Variants in GRID1 observed in about 807,000 individuals in gnomAD.
GRID1 encodes the protein glutamate receptor ionotropic, delta-1.
Under a neutral mutation model 98.0 loss-of-function variants are expected in GRID1, and 28 were observed. The ratio of observed to expected loss-of-function variants is 0.29; its 90% confidence interval spans 0.21 to 0.39. GRID1 has a LOEUF of 0.39. Among genes scored for constraint, GRID1 ranks in the 10% least tolerant of loss-of-function variants. The probability of loss-of-function intolerance (pLI) is 1.00; values close to 1 mark genes in which losing one functional copy is unlikely to be tolerated. For missense variants in GRID1, 1,111 were observed against 1,340.5 expected, an observed-to-expected ratio of 0.83 and a Z score of 2.67; for synonymous variants, 553 against 538.5, an observed-to-expected ratio of 1.03 and a Z score of -0.37.
intron 4 of GRID1, among the ~76,000 whole-genome samples, chr10:85,937,844 C>T (rs945289940): frequency 6.6e-6 from 1 of 152,188 alleles, no homozygotes; most frequent in Non-Finnish European, 1.5e-5. Context: ...CAAAGAAGTG[C>T]CCAGCCCAGA....
intron 12 of GRID1, among the ~76,000 whole-genome samples, chr10:85,714,061 A>G (rs983809087): frequency 6.6e-6 from 1 of 152,102 alleles, no homozygotes; most frequent in Non-Finnish European, 1.5e-5. Flanking sequence ...ACACCACGGA[A>G]TACTATGCAG....
chr10:85,930,348 A>G (rs1207558559), intron 4 of GRID1, among the ~76,000 whole-genome samples: 2 of 150,596 alleles, frequency 1.3e-5, no homozygotes, highest in Non-Finnish European at 3.0e-5. Context: ...GTTATTTATA[A>G]CTACAAAATT....
At chr10:86,179,200 C>T (rs1034242844) in intron 3 of GRID1, among the ~76,000 whole-genome samples, 2 of 133,576 alleles carry the variant, frequency 1.5e-5, no homozygotes, top group Non-Finnish European at 3.2e-5. Flanking sequence ...AAAGCAAGCC[C>T]AGCTACCTTC....
intron 8 of GRID1, among the ~76,000 whole-genome samples, chr10:85,812,051 A>G (rs896080221): frequency 6.6e-6 from 1 of 152,246 alleles, no homozygotes; most frequent in Non-Finnish European, 1.5e-5. Flanking sequence ...AATAATTTAT[A>G]GAAAGTGCTG....
intron 8 of GRID1, among the ~76,000 whole-genome samples, chr10:85,785,674 C>A (rs7907758): frequency 0.037 from 5,677 of 152,196 alleles, 263 homozygotes; most frequent in East Asian, 0.19. Flanking sequence ...TTCAGTAAAG[C>A]AGCCTCATTG....
chr10:85,912,884 T>C (rs754282417), intron 5 of GRID1, among the ~76,000 whole-genome samples: 1 of 152,252 alleles, frequency 6.6e-6, no homozygotes, highest in Non-Finnish European at 1.5e-5. Context: ...CATTTGTCTG[T>C]GGCTCTATAC....
chr10:85,619,883 C>T lies in GRID1; in HGVS notation c.2344G>A (p.Asp782Asn). 3.7e-6 allele frequency: 6 copies of T among 1,614,074 alleles called. No homozygotes were observed. Among genetic ancestry groups the T allele is most frequent in the South Asian group, 3.3e-5 (3 of 91,082 alleles). ...IALQHGSPYR[D>N]LFSQRILELQ... is the part of the protein sequence containing the mutation. The stretch of plus-strand genomic sequence containing the variant: ...CAAGCCTACCTCTGGGAGAAGAGGT[C>T]CCTGTAGGGGCTGCCATGCTGCAGG... Residue 782 changes from aspartate to asparagine, a missense_variant, in exon 14 of 16, where the codon GAC becomes AAC. Asp to Asn is a conservative substitution (Grantham distance 23). Transcript: ENST00000327946.
chr10:85,923,924 C>A (rs1841740698), intron 4 of GRID1, among the ~76,000 whole-genome samples: 1 of 152,126 alleles, frequency 6.6e-6, no homozygotes, highest in East Asian at 1.9e-4. Flanking sequence ...CCTGTCACCC[C>A]CTTTCAAAAT....
intron 2 of GRID1, among the ~76,000 whole-genome samples, chr10:86,356,785 A>G (rs1848539214): frequency 1.3e-5 from 2 of 152,242 alleles, no homozygotes; most frequent in African/African-American, 4.8e-5. Flanking sequence ...AACCAAGTGT[A>G]AAAAGAATCA....
intron 8 of GRID1, among the ~76,000 whole-genome samples, chr10:85,793,875 A>T (rs990827593): frequency 2.0e-5 from 3 of 152,206 alleles, no homozygotes; most frequent in Admixed American, 2.0e-4. Context: ...CCTACCAGGA[A>T]TGACAACAAG....
intron 4 of GRID1, among the ~76,000 whole-genome samples, chr10:86,105,062 T>C (rs891917776): frequency 2.6e-5 from 4 of 152,030 alleles, no homozygotes; most frequent in African/African-American, 9.7e-5. Flanking sequence ...TACACACAAG[T>C]TTGGGATTTT....
chr10:85,941,053 C>A (rs1330754704), intron 4 of GRID1, among the ~76,000 whole-genome samples: 4 of 152,190 alleles, frequency 2.6e-5, no homozygotes, highest in Non-Finnish European at 5.9e-5. Flanking sequence ...CCACATATAT[C>A]AGGTGCTTTT....
chr10:86,032,540 C>T (rs1444461487), intron 4 of GRID1, among the ~76,000 whole-genome samples: 1 of 152,178 alleles, frequency 6.6e-6, no homozygotes, highest in African/African-American at 2.4e-5. Context: ...ACCCCTTGCT[C>T]TCTGAAACAT....
chr10:85,604,769 G>T (rs555592999), intron 15 of GRID1, among the ~76,000 whole-genome samples: 1 of 152,226 alleles, frequency 6.6e-6, no homozygotes, highest in East Asian at 1.9e-4. Flanking sequence ...TATTTGCTTT[G>T]TTTTCATTTT....
Position 85,707,870 on chromosome 10 carries a change from A to G in GRID1, c.1997+15133T>C, listed in dbSNP as rs182992159. On this transcript the variant is annotated intron_variant, in intron 12 of 15. Transcript: ENST00000327946. ...CAGCAAACTGTTGCAAGGACAAAAA[A>G]CCAAACATCACATGTTCTCACTCAT... Among the ~76,000 whole-genome samples, 370 of 152,174 alleles carry G rather than the reference A, an allele frequency of 2.4e-3. 3 individuals carry two copies. The highest frequency in any genetic ancestry group is 8.3e-3 in the African/African-American group (346 of 41,538).
chr10:86,062,307 G>C (rs556027810), intron 4 of GRID1, among the ~76,000 whole-genome samples: 2 of 152,170 alleles, frequency 1.3e-5, no homozygotes, highest in East Asian at 3.9e-4. Context: ...CTTAAGATGA[G>C]GGTGAGGGTA....
At position 85,976,274 on chromosome 10, in the gene GRID1, G is replaced by A. The variant is rs182133116; in HGVS notation, c.727-60035C>T. Among the ~76,000 whole-genome samples the A allele has an allele frequency of 8.7e-4, 133 of 152,326 alleles. 1 individual carries two copies. Among genetic ancestry groups the A allele is most frequent in the Admixed American group, 8.7e-3 (133 of 15,306 alleles). On this transcript the variant is annotated intron_variant, in intron 4 of 15. Coordinates refer to ENST00000327946, the MANE Select transcript of GRID1 (RefSeq NM_017551.3). ...GCAATTAATCTATCTGCAAGGCTGT[G>A]TTCTGCTGAGCACTTTGATCCGAGT...
chr10:85,898,869 T>C (rs1841335637), intron 5 of GRID1, among the ~76,000 whole-genome samples: 1 of 152,208 alleles, frequency 6.6e-6, no homozygotes, highest in African/African-American at 2.4e-5. Flanking sequence ...CCATAGTAAA[T>C]ATATAAACCA....
intron 4 of GRID1, among the ~76,000 whole-genome samples, chr10:85,967,821 C>T (rs1832939043): frequency 1.3e-5 from 2 of 152,172 alleles, no homozygotes; most frequent in South Asian, 4.1e-4. Flanking sequence ...TGTCATCTGA[C>T]TTCTCAGCAG....
Sources: gnomAD v4.1 joint callset for allele counts (sites outside exome capture counted in the v4.1 genomes callset) on GRCh38, gnomAD v4.1.1 for gene constraint, MANE v1.5 for transcripts, NCBI Gene and HGNC (gene_info 2026-07-23, HGNC 2026-07-21) for gene names.